Variants in INPP4B observed in about 807,000 individuals in gnomAD.
The protein encoded by INPP4B is inositol polyphosphate-4-phosphatase type II B.
In INPP4B, 55 loss-of-function variants were observed where a neutral mutation model predicts 122.5. That is an observed-to-expected ratio of 0.45 (90% CI 0.36 to 0.56). INPP4B has a LOEUF of 0.56. Among genes scored for constraint, INPP4B ranks in the 20% least tolerant of loss-of-function variants. INPP4B has a pLI of 0.00. For missense variants in INPP4B, 1,000 were observed against 1,097.7 expected, an observed-to-expected ratio of 0.91 and a Z score of 1.26; for synonymous variants, 403 against 388.7, an observed-to-expected ratio of 1.04 and a Z score of -0.43.
At chr4:142,199,998 T>A (rs1839985027) in intron 14 of INPP4B, among the ~76,000 whole-genome samples, 1 of 152,030 alleles carries the variant, frequency 6.6e-6, no homozygotes, top group African/African-American at 2.4e-5. Flanking sequence ...CATTGATGGA[T>A]CTTGAATTGT....
chr4:142,254,367 G>A (rs1156407227), intron 11 of INPP4B, among the ~76,000 whole-genome samples: 4 of 133,912 alleles, frequency 3.0e-5, no homozygotes, highest in East Asian at 4.7e-4. Context: ...TGACTTTCAC[G>A]AGCTGAGAGA....
intron 3 of INPP4B, among the ~76,000 whole-genome samples, chr4:142,456,150 T>G (rs746245011): frequency 2.1e-4 from 32 of 151,392 alleles, no homozygotes; most frequent in Non-Finnish European, 4.3e-4. Context: ...AGAAACTTTT[T>G]AACTTGATGT....
intron 15 of INPP4B, among the ~76,000 whole-genome samples, chr4:142,179,833 G>A (rs941338653): frequency 2.6e-5 from 4 of 151,950 alleles, no homozygotes; most frequent in East Asian, 1.9e-4. Context: ...ACTTATCCAC[G>A]AGTTCACTTG....
chr4:142,108,043 T>A, intron 23 of INPP4B, 50 bp downstream of exon 23: 1 of 965,848 alleles, frequency 1.0e-6, no homozygotes, highest in Non-Finnish European at 1.6e-6. Flanking sequence ...CTTCTAAAGA[T>A]TTATAATCAA....
intron 5 of INPP4B, among the ~76,000 whole-genome samples, chr4:142,420,375 T>C (rs776882982): frequency 1.1e-4 from 16 of 152,110 alleles, no homozygotes; most frequent in Non-Finnish European, 2.1e-4. Context: ...CATTTATTAA[T>C]TGATGTATCA....
chr4:142,303,123 GA>G (rs1023719096), intron 9 of INPP4B, among the ~76,000 whole-genome samples: 7 of 150,618 alleles, frequency 4.6e-5, no homozygotes, highest in African/African-American at 7.3e-5. Context: ...TTTTCTGCAG[GA>G]AAAAAAAATA....
chr4:142,801,364 T>C (rs1777989034), intron 1 of INPP4B, among the ~76,000 whole-genome samples: 1 of 152,128 alleles, frequency 6.6e-6, no homozygotes, highest in African/African-American at 2.4e-5. Flanking sequence ...GGCAGTTAGG[T>C]TAAAATGAGG....
chr4:142,530,284 C>T (rs992781196), intron 2 of INPP4B, among the ~76,000 whole-genome samples: 2 of 151,886 alleles, frequency 1.3e-5, no homozygotes, highest in Non-Finnish European at 2.9e-5. Flanking sequence ...TTCTGCAAGC[C>T]CTAGGAGAGA....
At position 142,282,544 on chromosome 4, in the gene INPP4B, T is replaced by C. The variant is rs561788187; in HGVS notation, c.504-11770A>G. 3.3e-5 allele frequency among the ~76,000 whole-genome samples: 5 copies of C among 152,292 alleles called. 1 individual carries two copies. The South Asian group carries it at 1.0e-3, about 32-fold the overall frequency. Reference sequence around the variant, plus strand: ...CAAGATATAGGCTGGAATGCAGTCTTAGAAAAATCCACGTTATAACTAATT... The same window carrying C: ...CAAGATATAGGCTGGAATGCAGTCTCAGAAAAATCCACGTTATAACTAATT... On this transcript the variant is annotated intron_variant, in intron 9 of 25. Transcript: ENST00000262992.
At chr4:142,662,160 G>A (rs1425752317) in intron 2 of INPP4B, among the ~76,000 whole-genome samples, 1 of 152,016 alleles carries the variant, frequency 6.6e-6, no homozygotes, top group Non-Finnish European at 1.5e-5. Context: ...GCGTGAACCT[G>A]GCAGGCGGAG....
rs527434590 is a variant in INPP4B, at chr4:142,596,389, A to G, written c.-191+129450T>C. Among the ~76,000 whole-genome samples, 3 of 152,238 alleles carry G rather than the reference A, an allele frequency of 2.0e-5. No individual in the cohort carries two copies. The South Asian group carries it at 6.2e-4, about 32-fold the overall frequency. ...CTCTTAAAATGCTGCCCTGAGACCA[A>G]TGACATATGAAGAAGCTCAGAATGA... is the stretch of plus-strand genomic sequence containing the variant. On this transcript the variant is annotated intron_variant, in intron 2 of 25. Transcript: ENST00000262992.
chr4:142,706,750 TATACACTATGCA>T (rs748181936), intron 2 of INPP4B, among the ~76,000 whole-genome samples: 3 of 152,242 alleles, frequency 2.0e-5, no homozygotes, highest in Non-Finnish European at 2.9e-5. Context: ...TGATATGCAT[TATACACTATGCA>T]TTTGCTGGGT....
chr4:142,392,995 C>A (rs1225402971), intron 7 of INPP4B, among the ~76,000 whole-genome samples: 1 of 152,152 alleles, frequency 6.6e-6, no homozygotes, highest in Non-Finnish European at 1.5e-5. Context: ...TAAAAATAAT[C>A]TCCCTGGTGT....
At chr4:142,605,396 C>T (rs1186855832) in intron 2 of INPP4B, among the ~76,000 whole-genome samples, 1 of 151,810 alleles carries the variant, frequency 6.6e-6, no homozygotes, top group East Asian at 1.9e-4. Context: ...ACCTAAAACA[C>T]ACAGGCAATA....
chr4:142,396,872 A>G (rs72944948), intron 7 of INPP4B, among the ~76,000 whole-genome samples: 30,301 of 152,030 alleles, frequency 0.2, 3,973 homozygotes, highest in African/African-American at 0.37. Flanking sequence ...TTTCATTCAT[A>G]TAAATTTCAA....
chr4:142,591,947 G>T (rs879181749), intron 2 of INPP4B, among the ~76,000 whole-genome samples: 1 of 152,144 alleles, frequency 6.6e-6, no homozygotes, highest in Non-Finnish European at 1.5e-5. Context: ...ATCCTGGATA[G>T]AATCCTGGAA....
chr4:142,029,060 A>G lies in INPP4B; in HGVS notation c.2643-146T>C. On this transcript the variant is annotated intron_variant, in intron 25 of 25. Transcript: ENST00000262992. ...TTTTTTTTTCCACAAGTGATGATAC[A>G]TCTTACAAAATTAAATCCTAGGCCA... 5.7e-6 allele frequency: 8 copies of G among 1,402,796 alleles called. No individual in the cohort carries two copies. In the South Asian group the frequency reaches 6.7e-5, roughly 12 times the overall value. The allele number at this position is 1,402,796 out of a possible 1,614,324, so 86.9% of individuals were successfully genotyped here.
chr4:142,445,886 T>C (rs995518896), intron 3 of INPP4B, among the ~76,000 whole-genome samples: 2 of 152,234 alleles, frequency 1.3e-5, no homozygotes, highest in Middle Eastern at 3.4e-3. Flanking sequence ...CAAACATATC[T>C]AGAATATTTC....
chr4:142,348,681 C>T (rs540868222), intron 7 of INPP4B, among the ~76,000 whole-genome samples: 1 of 152,186 alleles, frequency 6.6e-6, no homozygotes, highest in South Asian at 2.1e-4. Flanking sequence ...AGGCTGCAAA[C>T]TAGAACAGGC....
Sources: allele counts gnomAD v4.1 joint callset (sites outside exome capture counted in the v4.1 genomes callset), GRCh38; gene constraint gnomAD v4.1.1; transcripts MANE v1.5; gene names NCBI Gene and HGNC (gene_info 2026-07-23, HGNC 2026-07-21).